GRIK2: variants seen among roughly 807,000 people sequenced by gnomAD.
GRIK2 encodes glutamate ionotropic receptor kainate type subunit 2, also known as glutamate receptor ionotropic, kainate 2.
GRIK2 carries 32 observed loss-of-function variants against 100.3 expected under a neutral mutation model. That is an observed-to-expected ratio of 0.32 (90% CI 0.24 to 0.43). GRIK2 has a LOEUF of 0.43. GRIK2 is among the 20% of genes least tolerant of loss of function. The pLI, the probability that GRIK2 is intolerant of heterozygous loss-of-function variation, is 1.00. For synonymous variants in GRIK2, 417 were observed against 389.4 expected (o/e 1.07, Z -0.83); for missense variants, 843 against 1,114.9 (o/e 0.76, Z 3.47).
At chr6:101,987,342 A>T (rs1238269743) in intron 14 of GRIK2, among the ~76,000 whole-genome samples, 1 of 151,814 alleles carries the variant, frequency 6.6e-6, no homozygotes, top group East Asian at 1.9e-4. Context: ...TAGTATGCAA[A>T]CAAAACGAAA....
chr6:101,676,408 A>T (rs1481495580), intron 4 of GRIK2, among the ~76,000 whole-genome samples: 1 of 152,160 alleles, frequency 6.6e-6, no homozygotes, highest in Non-Finnish European at 1.5e-5. Flanking sequence ...TTCAAGTTGC[A>T]CCATTAAATA....
At chr6:102,001,307 T>C (rs1267038424) in intron 14 of GRIK2, among the ~76,000 whole-genome samples, 3 of 151,922 alleles carry the variant, frequency 2.0e-5, no homozygotes, top group Admixed American at 2.0e-4. Context: ...TCATCTAGGT[T>C]TTAAGCACCA....
intron 4 of GRIK2, among the ~76,000 whole-genome samples, chr6:101,631,126 C>T (rs778177974): frequency 1.8e-4 from 28 of 152,026 alleles, no homozygotes; most frequent in South Asian, 1.7e-3. Flanking sequence ...TTTAAACACG[C>T]TGAAAGTCTG....
chr6:101,673,122 G>A (rs1770563997), intron 4 of GRIK2, among the ~76,000 whole-genome samples: 1 of 152,000 alleles, frequency 6.6e-6, no homozygotes, highest in Non-Finnish European at 1.5e-5. Flanking sequence ...CTCTGACAAA[G>A]GTCTCATTTC....
chr6:101,404,340 A>C (rs941235573), intron 2 of GRIK2, among the ~76,000 whole-genome samples: 2 of 152,220 alleles, frequency 1.3e-5, no homozygotes, highest in African/African-American at 2.4e-5. Flanking sequence ...AAGTTTTCTC[A>C]CCATTACATA....
chr6:101,568,100 G>T (rs1267135777), intron 2 of GRIK2, among the ~76,000 whole-genome samples: 2 of 151,882 alleles, frequency 1.3e-5, no homozygotes, highest in Admixed American at 6.6e-5. Flanking sequence ...ATGAAAAAAA[G>T]AAGTACTTTT....
intron 2 of GRIK2, among the ~76,000 whole-genome samples, chr6:101,560,575 T>A (rs1410321347): frequency 6.6e-6 from 1 of 151,896 alleles, no homozygotes; most frequent in Admixed American, 6.6e-5. Context: ...ACTGGACATT[T>A]AAAAAAAATT....
At chr6:101,773,987 ATATGT>A (rs1562374930) in intron 7 of GRIK2, among the ~76,000 whole-genome samples, 1 of 152,178 alleles carries the variant, frequency 6.6e-6, no homozygotes, top group Non-Finnish European at 1.5e-5. Context: ...ATGCATATTG[ATATGT>A]TTTGTTTGCA....
intron 2 of GRIK2, among the ~76,000 whole-genome samples, chr6:101,411,839 T>A (rs551580237): frequency 6.6e-6 from 1 of 152,264 alleles, no homozygotes; most frequent in East Asian, 1.9e-4. Context: ...AAACAGGTGT[T>A]GTTTTATAAA....
chr6:101,836,725 G>C (rs1783144332), intron 10 of GRIK2, among the ~76,000 whole-genome samples: 1 of 137,874 alleles, frequency 7.3e-6, no homozygotes, highest in Non-Finnish European at 1.5e-5. Context: ...GAGTGCAGTG[G>C]TGTGATCTTG....
At chr6:101,800,927 C>A (rs1780630949) in intron 8 of GRIK2, among the ~76,000 whole-genome samples, 1 of 152,046 alleles carries the variant, frequency 6.6e-6, no homozygotes, top group African/African-American at 2.4e-5. Context: ...AATTGAGAAT[C>A]TTGTCCACTA....
At chr6:101,746,638 T>G (rs970122500) in intron 7 of GRIK2, among the ~76,000 whole-genome samples, 1 of 152,172 alleles carries the variant, frequency 6.6e-6, no homozygotes, top group African/African-American at 2.4e-5. Flanking sequence ...ACCTTCAAAT[T>G]TTTGTCTCAG....
rs1391255564 is a variant in GRIK2, at chr6:101,716,361, G to A, written c.951+30008G>A. Reference sequence around the variant, plus strand: ...ATAAATAAAATCTGGAACTAAAATAGTAATTGTAAATACTATCTATGAATT... The same window carrying A: ...ATAAATAAAATCTGGAACTAAAATAATAATTGTAAATACTATCTATGAATT... On this transcript the variant is annotated intron_variant, in intron 7 of 16. Coordinates refer to ENST00000369134, the MANE Select transcript of GRIK2 (RefSeq NM_021956.5). Among the ~76,000 whole-genome samples the A allele has an allele frequency of 2.6e-5, 4 of 151,670 alleles. No homozygotes were observed. The East Asian group carries it at 7.8e-4, about 30-fold the overall frequency.
At chr6:101,711,938 A>G (rs1350529047) in intron 7 of GRIK2, among the ~76,000 whole-genome samples, 1 of 151,776 alleles carries the variant, frequency 6.6e-6, no homozygotes, top group Non-Finnish European at 1.5e-5. Context: ...AGCTGTTTCT[A>G]TCAATATTCC....
At chr6:101,814,294 A>AT (rs1781503250) in intron 9 of GRIK2, among the ~76,000 whole-genome samples, 1 of 152,152 alleles carries the variant, frequency 6.6e-6, no homozygotes, top group African/African-American at 2.4e-5. Context: ...GGCACTAATT[A>AT]TAAAAAAATC....
chr6:101,612,090 G>C (rs757347130), intron 2 of GRIK2, among the ~76,000 whole-genome samples: 1 of 151,802 alleles, frequency 6.6e-6, no homozygotes, highest in African/African-American at 2.4e-5. Context: ...ATGGGGCCTG[G>C]ACTGAGGTCC....
intron 2 of GRIK2, among the ~76,000 whole-genome samples, chr6:101,595,593 CACACACACAGGTACAA>C (rs1439983598): frequency 6.6e-6 from 1 of 150,710 alleles, no homozygotes; most frequent in African/African-American, 2.4e-5. Context: ...TATATATATA[CACACACACAGGTACAA>C]ACACACACAT....
chr6:101,407,073 G>A (rs1775634038), intron 2 of GRIK2, among the ~76,000 whole-genome samples: 1 of 152,072 alleles, frequency 6.6e-6, no homozygotes, highest in African/African-American at 2.4e-5. Context: ...AAATATTAAA[G>A]TAATGTTCTG....
chr6:101,715,440 A>C (rs1291564191), intron 7 of GRIK2, among the ~76,000 whole-genome samples: 1 of 151,880 alleles, frequency 6.6e-6, no homozygotes, highest in South Asian at 2.1e-4. Flanking sequence ...GAAAGACAAG[A>C]CTAATGGGGA....
Sources: gnomAD v4.1 joint callset for allele counts (sites outside exome capture counted in the v4.1 genomes callset) on GRCh38, gnomAD v4.1.1 for gene constraint, MANE v1.5 for transcripts, NCBI Gene and HGNC (gene_info 2026-07-23, HGNC 2026-07-21) for gene names.